Variants in HUNK observed in about 807,000 individuals in gnomAD.
The protein encoded by HUNK is hormonally up-regulated Neu-associated kinase.
Under a neutral mutation model 61.0 loss-of-function variants are expected in HUNK, and 21 were observed. The observed-to-expected ratio is 0.34, with a 90% CI of 0.24 to 0.50. HUNK has a LOEUF of 0.50. Among genes scored for constraint, HUNK ranks in the 20% least tolerant of loss-of-function variants. The probability of loss-of-function intolerance (pLI) is 0.98; values close to 1 mark genes in which losing one functional copy is unlikely to be tolerated. For synonymous variants in HUNK, 371 were observed against 386.1 expected (o/e 0.96, Z 0.46); for missense variants, 772 against 945.7 (o/e 0.82, Z 2.41).
chr21:31,903,526 A>T (rs1199805414), intron 1 of HUNK, among the ~76,000 whole-genome samples: 1 of 152,218 alleles, frequency 6.6e-6, no homozygotes, highest in African/African-American at 2.4e-5. Context: ...CCAAAAAAAA[A>T]ATTACCTTTA....
At chr21:31,874,237 G>A (rs1292209711) in intron 1 of HUNK, among the ~76,000 whole-genome samples, 2 of 151,950 alleles carry the variant, frequency 1.3e-5, no homozygotes, top group African/African-American at 4.8e-5. Flanking sequence ...TAGCGCGGGG[G>A]GCGGGATGGG....
intron 3 of HUNK, among the ~76,000 whole-genome samples, chr21:31,941,439 TG>T (rs2052768327): frequency 6.6e-6 from 1 of 151,938 alleles, no homozygotes; most frequent in Admixed American, 6.6e-5. Flanking sequence ...CCCGAGTAGC[TG>T]GGATTACAGG....
At chr21:31,896,046 A>G (rs1017052401) in intron 1 of HUNK, among the ~76,000 whole-genome samples, 1 of 131,076 alleles carries the variant, frequency 7.6e-6, no homozygotes, top group Non-Finnish European at 1.6e-5. Flanking sequence ...AGATGTGCGC[A>G]CACACAGAGA....
Position 31,873,304 on chromosome 21 carries a change from C to A in HUNK, c.-371C>A, listed in dbSNP as rs1601351782. 2 of 151,634 alleles carry A rather than the reference C, an allele frequency of 1.3e-5. No homozygotes were observed. The highest frequency in any genetic ancestry group is 4.8e-5 in the African/African-American group (2 of 41,336). 9.4% of individuals were successfully genotyped at this position (151,634 alleles called of 1,614,324 possible). A position where few individuals can be genotyped will look rare whatever the true frequency, so the allele number is the denominator to read the frequency against. On this transcript the variant is annotated 5_prime_UTR_variant, in exon 1 of 11. Transcript: ENST00000270112. This position sits in a 1 kb window ranked among gnomAD's most constrained non-coding sequence, Gnocchi z 6.1. ...GGCTCCCGGACCCAGGCACCCGGAC[C>A]CCGGGACCCAGGCGCCGCCGGACCG...
In HUNK at chr21:31,968,243, C is replaced by T. The variant is rs1354351285; in HGVS notation, c.875-7C>T. ...CATGCGTGCATTCTTTCCCAAATGT[C>T]TCCCAGGTGCCATCAGTTTCCTGCG... On this transcript the variant is annotated splice_region_variant and splice_polypyrimidine_tract_variant and intron_variant, in intron 5 of 10. Coordinates refer to ENST00000270112, the MANE Select transcript of HUNK (RefSeq NM_014586.2). 2 of 1,614,148 alleles carry T rather than the reference C, an allele frequency of 1.2e-6. No homozygotes were observed. The highest frequency in any genetic ancestry group is 8.5e-7 in the Non-Finnish European group (1 of 1,180,022).
In HUNK at chr21:31,998,692, A is replaced by G. The variant is rs1378281503; in HGVS notation, c.1653A>G (p.Glu551=). The G allele has an allele frequency of 1.2e-6, 2 of 1,614,124 alleles. No homozygotes were observed. Among genetic ancestry groups the G allele is most frequent in the Non-Finnish European group, 1.7e-6 (2 of 1,180,020 alleles). The change falls in exon 11 of 11, where the codon GAA becomes GAG. Residue 551 remains glutamate, a synonymous_variant. Coordinates refer to ENST00000270112, the MANE Select transcript of HUNK (RefSeq NM_014586.2). The part of the protein sequence containing the change: ...GPGSTGIPHK[E]DPLMLDMVRS... Reference sequence around the variant, plus strand: ...GAAGCACTGGCATCCCCCACAAGGAAGACCCCCTGATGCTGGACATGGTGC... The same window carrying G: ...GAAGCACTGGCATCCCCCACAAGGAGGACCCCCTGATGCTGGACATGGTGC...
chr21:31,999,240 A>G lies in HUNK; in HGVS notation c.*56A>G. On this transcript the variant is annotated 3_prime_UTR_variant, in exon 11 of 11. Coordinates refer to ENST00000270112, the MANE Select transcript of HUNK (RefSeq NM_014586.2). ...GAAAACAGCAACTGAACAGAGCTCC[A>G]CACATCTGTCAGGGTGTGAGCACTC... 6.8e-7 allele frequency: 1 copy of G among 1,466,202 alleles called. No individual in the cohort carries two copies. The highest frequency in any genetic ancestry group is 9.3e-7 in the Non-Finnish European group (1 of 1,078,450). 90.8% of individuals were successfully genotyped at this position (1,466,202 alleles called of 1,614,324 possible). A position where few individuals can be genotyped will look rare whatever the true frequency, so the allele number is the denominator to read the frequency against.
chr21:32,000,244 C>T lies in HUNK; in HGVS notation c.*1060C>T, dbSNP rs945772118. On this transcript the variant is annotated 3_prime_UTR_variant, in exon 11 of 11. Transcript: ENST00000270112. ...TTTCAAGCTGCCCACAGAACTGGTG[C>T]GGCTCAGAGCTCGGCGAGTTTGCTG... 40 of 398,988 alleles carry T rather than the reference C, an allele frequency of 1.0e-4. No homozygotes were observed. Among genetic ancestry groups the T allele is most frequent in the African/African-American group, 1.0e-4 (5 of 48,632 alleles). 24.7% of individuals were successfully genotyped at this position (398,988 alleles called of 1,614,324 possible). A position where few individuals can be genotyped will look rare whatever the true frequency, so the allele number is the denominator to read the frequency against.
At chr21:31,974,954 A>AG (rs1038256234) in intron 7 of HUNK, among the ~76,000 whole-genome samples, 5 of 149,412 alleles carry the variant, frequency 3.3e-5, no homozygotes, top group Non-Finnish European at 5.9e-5. Flanking sequence ...CAGAATTGGG[A>AG]GGGGTTCAAG....
intron 2 of HUNK, among the ~76,000 whole-genome samples, chr21:31,928,959 T>A (rs1186087109): frequency 6.6e-6 from 1 of 152,196 alleles, no homozygotes; most frequent in African/African-American, 2.4e-5. Flanking sequence ...GATTTCTAAG[T>A]AAATACATTG....
chr21:31,882,426 C>T (rs1170636685), intron 1 of HUNK, among the ~76,000 whole-genome samples: 4 of 152,198 alleles, frequency 2.6e-5, no homozygotes, highest in African/African-American at 4.8e-5. Context: ...TGGATCTTCT[C>T]GTGAGAGGTC....
chr21:31,960,594 G>T (rs1473472176), intron 5 of HUNK, among the ~76,000 whole-genome samples: 2 of 151,344 alleles, frequency 1.3e-5, no homozygotes, highest in Non-Finnish European at 2.9e-5. Flanking sequence ...CCACATGGCT[G>T]GGGAGGCCTC....
At chr21:31,908,359 G>A (rs1445878098) in intron 1 of HUNK, among the ~76,000 whole-genome samples, 2 of 152,064 alleles carry the variant, frequency 1.3e-5, no homozygotes, top group African/African-American at 2.4e-5. Context: ...GGGCCTCAGC[G>A]CGTGAAAGTG....
chr21:31,918,831 T>C (rs1331951917), intron 1 of HUNK, among the ~76,000 whole-genome samples: 1 of 152,210 alleles, frequency 6.6e-6, no homozygotes, highest in African/African-American at 2.4e-5. Flanking sequence ...CATTTTCAGG[T>C]TCCAGGGATT....
intron 4 of HUNK, among the ~76,000 whole-genome samples, chr21:31,956,462 G>T (rs1045176786): frequency 6.6e-6 from 1 of 152,016 alleles, no homozygotes; most frequent in South Asian, 2.1e-4. Flanking sequence ...CCTTCTTACC[G>T]ATCTCCAAGA....
intron 1 of HUNK, among the ~76,000 whole-genome samples, chr21:31,913,510 G>T (rs2052559881): frequency 6.6e-6 from 1 of 151,918 alleles, no homozygotes; most frequent in African/African-American, 2.4e-5. Flanking sequence ...GCTGGAGGAG[G>T]ATGTTACAGT....
At chr21:31,977,863 G>A (rs2053061763) in intron 7 of HUNK, among the ~76,000 whole-genome samples, 1 of 152,136 alleles carries the variant, frequency 6.6e-6, no homozygotes, top group Non-Finnish European at 1.5e-5. Context: ...GGAAGTCGAG[G>A]CTAATTGTAT....
At chr21:31,944,848 G>A (rs1829595532) in intron 3 of HUNK, among the ~76,000 whole-genome samples, 2 of 152,066 alleles carry the variant, frequency 1.3e-5, no homozygotes, top group African/African-American at 2.4e-5. Context: ...AAAGCTTAAC[G>A]CAATGACTTT....
At position 31,924,380 on chromosome 21, in the gene HUNK, A is replaced by G; in HGVS notation, c.262-88A>G. 1 of 1,190,632 alleles carries G rather than the reference A, an allele frequency of 8.4e-7. No homozygotes were observed. The highest frequency in any genetic ancestry group is 2.3e-5 in the Admixed American group (1 of 42,980). The allele number at this position is 1,190,632 out of a possible 1,614,324, so 73.8% of individuals were successfully genotyped here. A position where few individuals can be genotyped will look rare whatever the true frequency, so the allele number is the denominator to read the frequency against. ...GTTTCTCCTCTGCAGAGACATAGCT[A>G]GCATTTTTCTTGGGTTCCTGTGAGT... On this transcript the variant is annotated intron_variant, in intron 1 of 10. Coordinates refer to ENST00000270112, the MANE Select transcript of HUNK (RefSeq NM_014586.2). The surrounding 1 kb of genome is among the most constrained non-coding windows in gnomAD (Gnocchi z 5.1).
Sources: allele counts gnomAD v4.1 joint callset (sites outside exome capture counted in the v4.1 genomes callset), GRCh38; gene constraint gnomAD v4.1.1; non-coding constraint Gnocchi (gnomAD v3.1); transcripts MANE v1.5; gene names NCBI Gene and HGNC (gene_info 2026-07-23, HGNC 2026-07-21).